The following CLEC2A variants were observed in gnomAD, a reference collection of about 807,000 sequenced individuals.
CLEC2A encodes C-type lectin domain family 2 member A.
CLEC2A carries 19 observed loss-of-function variants against 18.6 expected under a neutral mutation model. The ratio of observed to expected loss-of-function variants is 1.02; its 90% CI spans 0.71 to 1.50. The LOEUF is 1.50. Among genes scored for constraint, CLEC2A ranks in the 40% most tolerant of loss-of-function variants. The probability of loss-of-function intolerance (pLI) is 0.00; values close to 1 mark genes in which losing one functional copy is unlikely to be tolerated. For synonymous variants in CLEC2A, 74 were observed against 64.0 expected, an observed-to-expected ratio of 1.16 and a Z score of -0.75; for missense variants, 190 against 207.9, an observed-to-expected ratio of 0.91 and a Z score of 0.53.
At chr12:9,888,657 G>C in the CLEC2A span, 1 of 792,390 alleles carries the variant, frequency 1.3e-6, no homozygotes, top group Non-Finnish European at 2.1e-6. Context: ...TTTTCTGCTG[G>C]TACTTTATTC....
chr12:9,887,377 C>T, the CLEC2A span, among the ~76,000 whole-genome samples: 1 of 152,030 alleles, frequency 6.6e-6, no homozygotes, highest in Non-Finnish European at 1.5e-5. Flanking sequence ...TTAGTTTTCC[C>T]CCAAAGCAAA....
rs1863016317 is a variant in CLEC2A at position 9,913,362 on chromosome 12, T to A, written c.*204A>T. The A allele has an allele frequency of 3.9e-6, 3 of 774,300 alleles. No individual in the cohort carries two copies. The South Asian group carries it at 6.5e-5, about 17-fold the overall frequency. The allele number at this position is 774,300 out of a possible 1,614,324, so 48.0% of individuals were successfully genotyped here. A position where few individuals can be genotyped will look rare whatever the true frequency, so the allele number is the denominator to read the frequency against. On this transcript the variant is annotated 3_prime_UTR_variant, in exon 5 of 5. Transcript: ENST00000455827. ...GATGGAGCCATAGTAAATGTGATTGTGCCCTTATAAAAGGCTCCAGAGAAC... is the reference window on the plus strand; with the variant it reads ...GATGGAGCCATAGTAAATGTGATTGAGCCCTTATAAAAGGCTCCAGAGAAC...
At chr12:9,924,758 T>C (rs147031680) in intron 2 of CLEC2A, among the ~76,000 whole-genome samples, 1 of 152,032 alleles carries the variant, frequency 6.6e-6, no homozygotes, top group East Asian at 1.9e-4. Flanking sequence ...AGTGAAGGAG[T>C]TCAGAACATG....
chr12:9,901,073 A>G (rs143110946), intron 4 of CLEC2A, among the ~76,000 whole-genome samples: 1 of 152,198 alleles, frequency 6.6e-6, no homozygotes, highest in Non-Finnish European at 1.5e-5. Context: ...AATAATGTTG[A>G]CTCTGCAAAA....
At chr12:9,910,207 A>G (rs143370637), downstream of CLEC2A, among the ~76,000 whole-genome samples, 287 of 152,296 alleles carry the variant, frequency 1.9e-3, 3 homozygotes, top group African/African-American at 6.6e-3. Context: ...GCTTTCTTTT[A>G]TGTTTGGTTC....
intron 4 of CLEC2A, among the ~76,000 whole-genome samples, chr12:9,900,765 G>A (rs574773578): frequency 3.9e-5 from 6 of 152,300 alleles, no homozygotes; most frequent in Admixed American, 1.3e-4. Flanking sequence ...TATGAGGCCA[G>A]TTTCCCCACT....
intron 4 of CLEC2A, among the ~76,000 whole-genome samples, chr12:9,906,047 A>G (rs1258000816): frequency 2.1e-5 from 3 of 139,594 alleles, no homozygotes; most frequent in Non-Finnish European, 4.6e-5. Context: ...TTTACATATT[A>G]GACAGCTATC....
intron 3 of CLEC2A, among the ~76,000 whole-genome samples, chr12:9,917,525 A>T (rs1258219188): frequency 2.6e-5 from 4 of 152,214 alleles, no homozygotes; most frequent in Non-Finnish European, 5.9e-5. Flanking sequence ...CCAAATATAC[A>T]TGTCAGTACT....
Position 9,905,463 on chromosome 12 carries a change from T to C in CLEC2A, c.411-6487A>G, listed in dbSNP as rs1862893628. On this transcript the variant is annotated intron_variant, in intron 4 of 4. Coordinates refer to the CLEC2A transcript ENST00000339766. ...ACGTACATAGCTTTTGAGGAATTGGTCTTTAGTTTCAAACATAGGAATATC... is the reference window on the plus strand; with the variant it reads ...ACGTACATAGCTTTTGAGGAATTGGCCTTTAGTTTCAAACATAGGAATATC... 3.9e-5 allele frequency among the ~76,000 whole-genome samples: 6 copies of C among 152,184 alleles called. No individual in the cohort carries two copies. In the South Asian group the frequency reaches 1.2e-3, roughly 31 times the overall value.
At chr12:9,883,605 C>G in the CLEC2A span, among the ~76,000 whole-genome samples, 1 of 152,146 alleles carries the variant, frequency 6.6e-6, no homozygotes, top group Admixed American at 6.6e-5. Context: ...TTGATATTTT[C>G]TCATAAAATT....
At chr12:9,911,546 T>C (rs899412910), downstream of CLEC2A, among the ~76,000 whole-genome samples, 12 of 152,238 alleles carry the variant, frequency 7.9e-5, no homozygotes, top group African/African-American at 2.9e-4. Context: ...CCAACCTGCA[T>C]AATTTAGCTC....
the CLEC2A span, chr12:9,892,881 G>T: frequency 1.5e-6 from 1 of 669,770 alleles, no homozygotes; most frequent in Non-Finnish European, 2.4e-6. Flanking sequence ...ACCGCGCCTG[G>T]TCTGAACTCC....
the CLEC2A span, among the ~76,000 whole-genome samples, chr12:9,878,317 T>C: frequency 6.6e-6 from 1 of 152,180 alleles, no homozygotes; most frequent in Non-Finnish European, 1.5e-5. Context: ...GGGCATCAGA[T>C]TTATTGAGTA....
At chr12:9,917,198 C>A (rs1048148919) in intron 3 of CLEC2A, among the ~76,000 whole-genome samples, 3 of 152,110 alleles carry the variant, frequency 2.0e-5, no homozygotes, top group South Asian at 2.1e-4. Flanking sequence ...AAGCCACAAA[C>A]CTTTCATTAG....
chr12:9,925,423 C>T (rs935709259), intron 2 of CLEC2A, among the ~76,000 whole-genome samples: 3 of 152,204 alleles, frequency 2.0e-5, no homozygotes, highest in Non-Finnish European at 4.4e-5. Context: ...TAGAGTTATA[C>T]AGCCAAGGTG....
At chr12:9,932,193 TAA>T in intron 1 of CLEC2A, 80 bp downstream of exon 1, 3 of 1,014,038 alleles carry the variant, frequency 3.0e-6, no homozygotes, top group Non-Finnish European at 4.5e-6. Context: ...TCACAGTAAG[TAA>T]AGAGTCCATA....
chr12:9,882,403 T>C, the CLEC2A span, among the ~76,000 whole-genome samples: 2 of 152,196 alleles, frequency 1.3e-5, no homozygotes, highest in Admixed American at 1.3e-4. Context: ...TTTTTTGTGT[T>C]TCAATATCAT....
chr12:9,925,917 G>A (rs1247539661), intron 2 of CLEC2A, among the ~76,000 whole-genome samples: 2 of 152,158 alleles, frequency 1.3e-5, no homozygotes, highest in Non-Finnish European at 2.9e-5. Context: ...CTCCGGGATT[G>A]GCTTTCTGTG....
At chr12:9,922,414 A>T (rs990593638) in intron 2 of CLEC2A, among the ~76,000 whole-genome samples, 182 bp from the exon 3 acceptor site, 1 of 152,222 alleles carries the variant, frequency 6.6e-6, no homozygotes. Flanking sequence ...TTAGTGATCA[A>T]GCAGTGCATA....
Sources: allele counts gnomAD v4.1 joint callset (sites outside exome capture counted in the v4.1 genomes callset), GRCh38; gene constraint gnomAD v4.1.1; transcripts MANE v1.5; gene names NCBI Gene and HGNC (gene_info 2026-07-23, HGNC 2026-07-21).